The following PCDH7 variants were observed in gnomAD, a reference collection of about 807,000 sequenced individuals.
PCDH7 encodes protocadherin-7.
Under a neutral mutation model 58.9 loss-of-function variants are expected in PCDH7, and 17 were observed. The observed-to-expected ratio is 0.29, with a 90% CI of 0.20 to 0.43. The LOEUF (loss-of-function observed/expected upper bound fraction) is 0.43. PCDH7 is among the 20% of genes least tolerant of loss of function. The pLI, the probability that PCDH7 is intolerant of heterozygous loss-of-function variation, is 1.00. For synonymous variants in PCDH7, 664 were observed against 616.4 expected (o/e 1.08, Z -1.14); for missense variants, 1,274 against 1,441.0 (o/e 0.88, Z 1.88).
chr4:31,095,329 G>A (rs1167132050), intron 3 of PCDH7, among the ~76,000 whole-genome samples: 1 of 152,022 alleles, frequency 6.6e-6, no homozygotes, highest in Non-Finnish European at 1.5e-5. Flanking sequence ...TTAAGGGTAG[G>A]AACCAAAAGG....
intron 3 of PCDH7, among the ~76,000 whole-genome samples, chr4:31,099,074 A>G (rs980763625): frequency 6.6e-6 from 1 of 152,212 alleles, no homozygotes; most frequent in African/African-American, 2.4e-5. Flanking sequence ...AGTCATGTTG[A>G]TGGTGAAGGC....
chr4:30,892,968 C>G (rs959279033), intron 1 of PCDH7, among the ~76,000 whole-genome samples: 6 of 152,076 alleles, frequency 3.9e-5, no homozygotes, highest in African/African-American at 1.4e-4. Context: ...GGCCACATTT[C>G]TTTCCACAAC....
At chr4:31,095,684 TG>T (rs1214261549) in intron 3 of PCDH7, among the ~76,000 whole-genome samples, 2 of 151,844 alleles carry the variant, frequency 1.3e-5, no homozygotes, top group African/African-American at 4.8e-5. Context: ...GGCTTGGGAG[TG>T]GAGTATTTAA....
intron 1 of PCDH7, among the ~76,000 whole-genome samples, chr4:30,864,814 A>T (rs1224948966): frequency 6.6e-6 from 1 of 152,110 alleles, no homozygotes; most frequent in Non-Finnish European, 1.5e-5. Flanking sequence ...TTAGGGGTGG[A>T]GTTTTACAAA....
intron 1 of PCDH7, among the ~76,000 whole-genome samples, chr4:30,765,182 T>G (rs948506357): frequency 1.5e-5 from 2 of 137,246 alleles, no homozygotes; most frequent in Non-Finnish European, 3.1e-5. Flanking sequence ...ACTTATGAGT[T>G]AGGGTGTCTC....
chr4:30,999,941 A>G (rs1272299760), intron 3 of PCDH7, among the ~76,000 whole-genome samples: 1 of 152,190 alleles, frequency 6.6e-6, no homozygotes, highest in African/African-American at 2.4e-5. Context: ...CAACATTTGT[A>G]TAACCCTAGA....
chr4:30,885,373 G>A (rs117723124), intron 1 of PCDH7, among the ~76,000 whole-genome samples: 1 of 152,286 alleles, frequency 6.6e-6, no homozygotes, highest in East Asian at 1.9e-4. Flanking sequence ...TTTCTGATAT[G>A]ATATATGTTG....
chr4:30,749,014 A>T (rs1465922076), intron 1 of PCDH7, among the ~76,000 whole-genome samples: 1 of 152,174 alleles, frequency 6.6e-6, no homozygotes, highest in Non-Finnish European at 1.5e-5. Flanking sequence ...ATTAACCATT[A>T]TTATACTAGT....
chr4:30,783,254 G>C (rs1723016801), intron 1 of PCDH7: 1 of 151,908 alleles, frequency 6.6e-6, no homozygotes, highest in African/African-American at 2.4e-5. Flanking sequence ...TTAACCAATG[G>C]TTCAACTCCT....
chr4:31,006,668 G>A (rs1379884502), intron 3 of PCDH7, among the ~76,000 whole-genome samples: 5 of 151,954 alleles, frequency 3.3e-5, no homozygotes, highest in African/African-American at 1.2e-4. Context: ...TGAGGTGGGC[G>A]GATTACCTGA....
At chr4:30,786,721 T>G (rs1198846005) in intron 1 of PCDH7, 8 of 979,662 alleles carry the variant, frequency 8.2e-6, no homozygotes, top group African/African-American at 3.5e-5. Context: ...TTTGTATTTT[T>G]TATAGGTGGA....
chr4:31,116,852 T>A (rs1405581696), intron 3 of PCDH7, among the ~76,000 whole-genome samples: 1 of 152,112 alleles, frequency 6.6e-6, no homozygotes, highest in African/African-American at 2.4e-5. Context: ...TGGTTTTTTT[T>A]GAGACGGAGT....
At chr4:30,750,977 G>GAA (rs35464331) in intron 1 of PCDH7, among the ~76,000 whole-genome samples, 1 of 151,720 alleles carries the variant, frequency 6.6e-6, no homozygotes. Context: ...TGCAGGGAAG[G>GAA]AAAAAAACGC....
chr4:30,965,380 C>A (rs1347410813), intron 3 of PCDH7, among the ~76,000 whole-genome samples: 3 of 151,912 alleles, frequency 2.0e-5, no homozygotes, highest in South Asian at 4.1e-4. Flanking sequence ...AAATTGATGG[C>A]TAATTTTAGA....
intron 3 of PCDH7, among the ~76,000 whole-genome samples, chr4:31,053,477 G>A (rs1413622257): frequency 6.6e-6 from 1 of 152,108 alleles, no homozygotes; most frequent in African/African-American, 2.4e-5. Context: ...GCTCACACCT[G>A]TAATCCCACT....
intron 1 of PCDH7, among the ~76,000 whole-genome samples, chr4:30,837,244 G>T (rs1730595365): frequency 1.3e-5 from 2 of 152,082 alleles, no homozygotes; most frequent in Non-Finnish European, 2.9e-5. Context: ...CTTTGTTCCT[G>T]CTGGCCACCT....
chr4:31,040,865 TAA>T (rs968982814), intron 3 of PCDH7, among the ~76,000 whole-genome samples: 1 of 151,958 alleles, frequency 6.6e-6, no homozygotes, highest in African/African-American at 2.4e-5. Context: ...AGTTAGTTAC[TAA>T]AAGTGTTTTC....
At chr4:30,855,917 G>T (rs1343648764) in intron 1 of PCDH7, among the ~76,000 whole-genome samples, 1 of 151,990 alleles carries the variant, frequency 6.6e-6, no homozygotes, top group Admixed American at 6.6e-5. Flanking sequence ...GTAAAATGTC[G>T]GATCTGTCGG....
intron 3 of PCDH7, among the ~76,000 whole-genome samples, chr4:30,998,951 T>C (rs1362273886): frequency 5.3e-5 from 8 of 152,182 alleles, no homozygotes; most frequent in Non-Finnish European, 1.2e-4. Flanking sequence ...TGGTCTTGAT[T>C]AAACCAATTT....
Sources: allele counts gnomAD v4.1 joint callset (sites outside exome capture counted in the v4.1 genomes callset), GRCh38; gene constraint gnomAD v4.1.1; transcripts MANE v1.5; gene names NCBI Gene and HGNC (gene_info 2026-07-23, HGNC 2026-07-21).